Variants in SASH1 observed in about 807,000 individuals in gnomAD.
SASH1 encodes the protein SAM and SH3 domain-containing protein 1.
A neutral mutation model predicts 125.2 loss-of-function variants in SASH1; 44 were observed. The observed-to-expected ratio is 0.35, with a 90% CI of 0.28 to 0.45. The LOEUF (loss-of-function observed/expected upper bound fraction) is 0.45, where lower values mean the gene tolerates loss of function less well. Among genes scored for constraint, SASH1 ranks in the 20% least tolerant of loss-of-function variants. The pLI is 1.00. For missense variants in SASH1, 1,426 were observed against 1,614.5 expected, an observed-to-expected ratio of 0.88 and a Z score of 2.00; for synonymous variants, 639 against 649.1, an observed-to-expected ratio of 0.98 and a Z score of 0.24.
intron 7 of SASH1, 67 bp from the exon 8 acceptor site, chr6:148,487,547 C>T (rs1028958152): frequency 2.7e-6 from 3 of 1,124,532 alleles, no homozygotes; most frequent in Non-Finnish European, 4.0e-6. Flanking sequence ...GAGTCATTTC[C>T]CTGTAAAAGG....
At chr6:148,439,318 G>A (rs1248066889) in intron 2 of SASH1, among the ~76,000 whole-genome samples, 5 of 152,152 alleles carry the variant, frequency 3.3e-5, no homozygotes, top group South Asian at 4.1e-4. Context: ...ACTCGATACC[G>A]CGCGAGTGTT....
At chr6:148,483,691 T>C (rs1046845684) in intron 7 of SASH1, among the ~76,000 whole-genome samples, 2 of 152,164 alleles carry the variant, frequency 1.3e-5, no homozygotes, top group Non-Finnish European at 2.9e-5. Flanking sequence ...CTAGATATCT[T>C]TGTGGAGACA....
At chr6:148,520,588 G>A (rs1343968822) in intron 10 of SASH1, among the ~76,000 whole-genome samples, 1 of 152,060 alleles carries the variant, frequency 6.6e-6, no homozygotes, top group Non-Finnish European at 1.5e-5. Context: ...CCTCTTGTCA[G>A]ATGAAGCTGT....
the SASH1 span, among the ~76,000 whole-genome samples, chr6:148,212,167 T>A: frequency 6.6e-6 from 1 of 151,672 alleles, no homozygotes. Context: ...GAATTGGGAG[T>A]TTAGGAGAAC....
At chr6:148,376,040 G>C (rs937658596) in intron 1 of SASH1, among the ~76,000 whole-genome samples, 1 of 152,088 alleles carries the variant, frequency 6.6e-6, no homozygotes, top group Non-Finnish European at 1.5e-5. Context: ...CATTTTTCCA[G>C]ACAGTGGGGG....
At chr6:148,546,351 C>A (rs934446309) in intron 19 of SASH1, among the ~76,000 whole-genome samples, 6 of 152,202 alleles carry the variant, frequency 3.9e-5, no homozygotes, top group South Asian at 2.1e-4. Context: ...ATCCGTAATC[C>A]CAACACTGTG....
intron 1 of SASH1, among the ~76,000 whole-genome samples, chr6:148,337,667 AACAAGTTTTT>A (rs1781201507): frequency 6.6e-6 from 1 of 152,128 alleles, no homozygotes; most frequent in South Asian, 2.1e-4. Context: ...TGGCCCTAAG[AACAAGTTTTT>A]ACAAAGCAAG....
rs575838171 is a variant in SASH1, at chr6:148,415,181, A to T, written c.285+24919A>T. The stretch of plus-strand genomic sequence containing the variant: ...TATTTTTAATTTGAGAGAAAAAATT[A>T]ATTAGTGCTATTGGTGTGTGCATGC... On this transcript the variant is annotated intron_variant, in intron 2 of 19. Coordinates refer to ENST00000367467, the MANE Select transcript of SASH1 (RefSeq NM_015278.5). 1.1e-4 allele frequency among the ~76,000 whole-genome samples: 17 copies of T among 152,300 alleles called. 1 individual carries two copies. The highest frequency in any genetic ancestry group is 3.8e-4 in the African/African-American group (16 of 41,560).
the SASH1 span, among the ~76,000 whole-genome samples, chr6:148,194,733 C>T: frequency 6.6e-6 from 1 of 152,162 alleles, no homozygotes; most frequent in African/African-American, 2.4e-5. Context: ...CGGTGAAACC[C>T]CGTCTCTACT....
chr6:148,206,513 G>A, the SASH1 span, among the ~76,000 whole-genome samples: 1 of 152,114 alleles, frequency 6.6e-6, no homozygotes, highest in South Asian at 2.1e-4. Context: ...TAACAGGCCA[G>A]GTGCAGTGGC....
At chr6:148,336,064 A>G (rs1169831391) in intron 1 of SASH1, among the ~76,000 whole-genome samples, 7 of 152,000 alleles carry the variant, frequency 4.6e-5, no homozygotes, top group Non-Finnish European at 8.8e-5. Context: ...GAATTTTCCC[A>G]TTTCACAGAT....
At chr6:148,536,592 G>A (rs1410914563) in intron 16 of SASH1, among the ~76,000 whole-genome samples, 2 of 152,104 alleles carry the variant, frequency 1.3e-5, no homozygotes, top group African/African-American at 2.4e-5. Flanking sequence ...CGCCCACCTC[G>A]GCCTCCCAAA....
chr6:148,243,863 A>G, the SASH1 span, among the ~76,000 whole-genome samples: 1 of 152,104 alleles, frequency 6.6e-6, no homozygotes, highest in South Asian at 2.1e-4. Flanking sequence ...CCACTCTTTC[A>G]TTAAATCAAA....
chr6:148,223,882 T>C, the SASH1 span, among the ~76,000 whole-genome samples: 4 of 152,242 alleles, frequency 2.6e-5, no homozygotes, highest in Non-Finnish European at 5.9e-5. Context: ...CAATAATCTA[T>C]ACTGCTTTGG....
chr6:148,446,253 T>A (rs536407720), intron 4 of SASH1, among the ~76,000 whole-genome samples: 3 of 151,836 alleles, frequency 2.0e-5, no homozygotes, highest in East Asian at 1.9e-4. Flanking sequence ...GGACTACAGG[T>A]GCCCGCCATC....
chr6:148,313,441 G>A (rs1485075817), intron 1 of SASH1, among the ~76,000 whole-genome samples: 4 of 152,122 alleles, frequency 2.6e-5, no homozygotes, highest in Non-Finnish European at 4.4e-5. Context: ...GATTCCTGGG[G>A]CATGGTATTT....
chr6:148,465,662 AC>A (rs1256371217), intron 4 of SASH1, among the ~76,000 whole-genome samples: 3 of 151,724 alleles, frequency 2.0e-5, no homozygotes, highest in African/African-American at 7.3e-5. Flanking sequence ...CCAGCTGCAG[AC>A]CCCAGCCCGC....
At chr6:148,275,862 T>C (rs1013101815) in intron 1 of SASH1, among the ~76,000 whole-genome samples, 1 of 152,138 alleles carries the variant, frequency 6.6e-6, no homozygotes, top group Non-Finnish European at 1.5e-5. Context: ...GCAGGGACTA[T>C]AGGCATGCAT....
At chr6:148,201,873 G>A in the SASH1 span, among the ~76,000 whole-genome samples, 3 of 152,196 alleles carry the variant, frequency 2.0e-5, no homozygotes, top group Non-Finnish European at 4.4e-5. Flanking sequence ...GGGTTGCTGA[G>A]CAGGGATTGT....
Sources: allele counts gnomAD v4.1 joint callset (sites outside exome capture counted in the v4.1 genomes callset), GRCh38; gene constraint gnomAD v4.1.1; transcripts MANE v1.5; gene names NCBI Gene and HGNC (gene_info 2026-07-23, HGNC 2026-07-21).